Variants in PIK3C3 observed in about 807,000 individuals in gnomAD.
The protein encoded by PIK3C3 is phosphatidylinositol 3-kinase catalytic subunit type 3.
In PIK3C3, 95 loss-of-function variants were observed where a neutral mutation model predicts 126.1. The ratio of observed to expected loss-of-function variants is 0.75; its 90% CI spans 0.64 to 0.89. The LOEUF (loss-of-function observed/expected upper bound fraction) is 0.89, where lower values mean the gene tolerates loss of function less well. Among genes scored for constraint, PIK3C3 ranks in the 40% least tolerant of loss-of-function variants. The pLI is 0.00. For missense variants in PIK3C3, 829 were observed against 1,063.2 expected (o/e 0.78, Z 3.06); for synonymous variants, 374 against 360.0 (o/e 1.04, Z -0.44).
intron 4 of PIK3C3, among the ~76,000 whole-genome samples, chr18:41,972,286 A>G (rs1980708118): frequency 6.6e-6 from 1 of 152,058 alleles, no homozygotes; most frequent in Non-Finnish European, 1.5e-5. Flanking sequence ...TGCAGAGCTC[A>G]ATGAGGTGTA....
Position 42,029,358 on chromosome 18 carries a change from C to T in PIK3C3, c.1624C>T (p.Leu542=). 1.2e-6 allele frequency: 2 copies of T among 1,613,612 alleles called. No homozygotes were observed. The highest frequency in any genetic ancestry group is 1.7e-6 in the Non-Finnish European group (2 of 1,179,700). The change falls in exon 15 of 25, where the codon CTG becomes TTG. Residue 542 remains leucine (L), a synonymous_variant. Transcript: ENST00000262039. ...GTCTGTCAGAGTTATGCGTTCTTTG[C>T]TGGCTGCACAACAGACATTTGTAGA... ...DKSVRVMRSL[L]AAQQTFVDRL... is the part of the protein sequence containing the mutation.
chr18:42,037,564 C>T, intron 16 of PIK3C3, 128 bp from the exon 17 acceptor site: 1 of 743,064 alleles, frequency 1.3e-6, no homozygotes. Context: ...TCATTGAAAA[C>T]CCAACTTGTT....
chr18:41,985,936 C>A (rs1981452186), intron 4 of PIK3C3, among the ~76,000 whole-genome samples: 1 of 152,084 alleles, frequency 6.6e-6, no homozygotes, highest in African/African-American at 2.4e-5. Flanking sequence ...ACCACATTCT[C>A]CCACATCCAA....
At chr18:42,054,123 A>G (rs1173578348) in intron 21 of PIK3C3, among the ~76,000 whole-genome samples, 1 of 62,016 alleles carries the variant, frequency 1.6e-5, no homozygotes, top group African/African-American at 6.7e-5. Context: ...GACAGAACTA[A>G]TGGTATATAT....
At chr18:42,049,632 A>G (rs1378366648) in intron 21 of PIK3C3, 27 bp downstream of exon 21, 2 of 1,481,896 alleles carry the variant, frequency 1.3e-6, no homozygotes, top group Non-Finnish European at 1.9e-6. Context: ...ACCAGTAGAC[A>G]TACATTGTAT....
chr18:42,068,562 T>C (rs888613597), intron 24 of PIK3C3, among the ~76,000 whole-genome samples: 11 of 152,194 alleles, frequency 7.2e-5, no homozygotes, highest in African/African-American at 2.4e-4. Flanking sequence ...CTACCTTTAT[T>C]ACGACTTGCA....
At chr18:42,057,763 C>T (rs1449574791) in intron 21 of PIK3C3, 120 bp from the exon 22 acceptor site, 2 of 853,448 alleles carry the variant, frequency 2.3e-6, no homozygotes, top group Non-Finnish European at 1.8e-6. Context: ...ATTTAATAGG[C>T]TTCATCGTGA....
At chr18:42,042,085 A>G (rs1984348162) in intron 19 of PIK3C3, among the ~76,000 whole-genome samples, 1 of 152,150 alleles carries the variant, frequency 6.6e-6, no homozygotes, top group African/African-American at 2.4e-5. Flanking sequence ...GCTTTATACT[A>G]AACAATCCAC....
chr18:42,079,252 A>C (rs539010305), intron 24 of PIK3C3, among the ~76,000 whole-genome samples: 1 of 152,194 alleles, frequency 6.6e-6, no homozygotes, highest in Admixed American at 6.5e-5. Context: ...TAATTTCCAT[A>C]TTGTTGTGTC....
intron 3 of PIK3C3, among the ~76,000 whole-genome samples, chr18:41,963,101 T>C (rs929702272): frequency 1.3e-5 from 2 of 152,054 alleles, no homozygotes; most frequent in Admixed American, 6.5e-5. Flanking sequence ...AAAAAAAAAA[T>C]CCCATAGTCC....
chr18:42,028,510 A>C (rs1291725459), intron 14 of PIK3C3, among the ~76,000 whole-genome samples: 1 of 152,204 alleles, frequency 6.6e-6, no homozygotes, highest in Non-Finnish European at 1.5e-5. Flanking sequence ...GGCATCTTTC[A>C]TCTGTTTGAT....
intron 24 of PIK3C3, among the ~76,000 whole-genome samples, chr18:42,075,536 C>T (rs1280181480): frequency 2.6e-5 from 4 of 151,850 alleles, no homozygotes; most frequent in Non-Finnish European, 2.9e-5. Context: ...TTCTCTGTAT[C>T]AACTCTTAAT....
intron 9 of PIK3C3, among the ~76,000 whole-genome samples, chr18:42,001,823 C>T (rs1025394333): frequency 4.6e-5 from 7 of 152,158 alleles, no homozygotes; most frequent in African/African-American, 1.7e-4. Context: ...ATTAAGACTG[C>T]TGATGTACTG....
At chr18:42,075,472 C>A (rs1297786962) in intron 24 of PIK3C3, among the ~76,000 whole-genome samples, 1 of 151,852 alleles carries the variant, frequency 6.6e-6, no homozygotes, top group Non-Finnish European at 1.5e-5. Flanking sequence ...CAGGAAAAAT[C>A]ATTAATAGCA....
chr18:42,013,734 G>A (rs112960703), intron 11 of PIK3C3, 138 bp downstream of exon 11: 29 of 644,146 alleles, frequency 4.5e-5, no homozygotes, highest in African/African-American at 2.5e-4. Context: ...TATTGCATGT[G>A]TACTCACAGC....
At chr18:42,074,774 A>G (rs1477037462) in intron 24 of PIK3C3, among the ~76,000 whole-genome samples, 1 of 151,846 alleles carries the variant, frequency 6.6e-6, no homozygotes, top group Non-Finnish European at 1.5e-5. Context: ...ACTTTTTGAA[A>G]CTTCCCTTTT....
intron 2 of PIK3C3, among the ~76,000 whole-genome samples, chr18:41,959,003 A>G (rs1326661487): frequency 1.3e-5 from 2 of 152,118 alleles, no homozygotes; most frequent in African/African-American, 4.8e-5. Flanking sequence ...ACCTAAAACA[A>G]TGGAGCAGAA....
At chr18:42,069,822 C>T (rs1985701201) in intron 24 of PIK3C3, among the ~76,000 whole-genome samples, 1 of 152,216 alleles carries the variant, frequency 6.6e-6, no homozygotes, top group African/African-American at 2.4e-5. Flanking sequence ...GAAATTAGTG[C>T]TGCTGCCTAA....
intron 3 of PIK3C3, among the ~76,000 whole-genome samples, chr18:41,968,661 G>A (rs978178943): frequency 6.6e-6 from 1 of 151,994 alleles, no homozygotes; most frequent in Non-Finnish European, 1.5e-5. Flanking sequence ...AATGTTTATG[G>A]CATCATTACT....
Sources: allele counts gnomAD v4.1 joint callset (sites outside exome capture counted in the v4.1 genomes callset), GRCh38; gene constraint gnomAD v4.1.1; transcripts MANE v1.5; gene names NCBI Gene and HGNC (gene_info 2026-07-23, HGNC 2026-07-21).